SLC35F4: variants seen among roughly 807,000 people sequenced by gnomAD.
The protein encoded by SLC35F4 is solute carrier family 35 member F4.
A neutral mutation model predicts 44.2 loss-of-function variants in SLC35F4; 24 were observed. The ratio of observed to expected loss-of-function variants is 0.54; its 90% CI spans 0.39 to 0.76. The LOEUF (loss-of-function observed/expected upper bound fraction) is 0.76, where lower values mean the gene tolerates loss of function less well. Ranked by LOEUF, SLC35F4 falls within the 30% of genes least tolerant of loss-of-function variation. The pLI is 0.00. For missense variants in SLC35F4, 562 were observed against 586.1 expected (o/e 0.96, Z 0.42); for synonymous variants, 238 against 223.6 (o/e 1.06, Z -0.57).
At chr14:57,879,670 T>TTAAA (rs1888477598) in intron 1 of SLC35F4, among the ~76,000 whole-genome samples, 1 of 152,126 alleles carries the variant, frequency 6.6e-6, no homozygotes, top group African/African-American at 2.4e-5. Flanking sequence ...TTCAAGCACA[T>TTAAA]CCTCCATTAA....
chr14:57,585,148 C>T (rs1152535), intron 3 of SLC35F4, among the ~76,000 whole-genome samples: 42,646 of 151,942 alleles, frequency 0.28, 6,407 homozygotes, highest in East Asian at 0.64. Flanking sequence ...AATCAACTCA[C>T]GGTGAGAATT....
rs112756163 is a variant in SLC35F4 at position 57,865,709 on chromosome 14, G to A, written c.103+14C>T. On this transcript the variant is annotated intron_variant, in intron 1 of 7. Transcript: ENST00000556826. Reference sequence around the variant, plus strand: ...CTTCCCCGCCTCGCGCAGGGCAGCCGCGCGGCGTCTTACTTTTCTGGCTGG... The same window carrying A: ...CTTCCCCGCCTCGCGCAGGGCAGCCACGCGGCGTCTTACTTTTCTGGCTGG... 0.035 allele frequency: 53,543 copies of A among 1,513,340 alleles called. 1,178 individuals are homozygous for A. Among genetic ancestry groups the A allele is most frequent in the Non-Finnish European group, 0.043 (48,669 of 1,136,438 alleles). 93.7% of individuals were successfully genotyped at this position (1,513,340 alleles called of 1,614,324 possible).
intron 1 of SLC35F4, among the ~76,000 whole-genome samples, chr14:57,878,061 A>G (rs2783235): frequency 0.12 from 17,809 of 151,864 alleles, 1,445 homozygotes; most frequent in Non-Finnish European, 0.17. Flanking sequence ...GCATTTTTCT[A>G]ATGATTAGTG....
chr14:57,643,864 G>A lies in SLC35F4; in HGVS notation c.104-49740C>T, dbSNP rs532081836. On this transcript the variant is annotated intron_variant, in intron 1 of 7. Transcript: ENST00000556826. ...TTCCCACCTATGAGTGAGAATATGCGGTGTTTGGTTTTTTGTCCATGCGAT... is the reference window on the plus strand; with the variant it reads ...TTCCCACCTATGAGTGAGAATATGCAGTGTTTGGTTTTTTGTCCATGCGAT... Among the ~76,000 whole-genome samples, 133 of 152,024 alleles carry A rather than the reference G, an allele frequency of 8.7e-4. 1 individual carries two copies. The highest frequency in any genetic ancestry group is 8.5e-3 in the East Asian group (44 of 5,148).
intron 1 of SLC35F4, among the ~76,000 whole-genome samples, chr14:57,776,721 G>T (rs1421578303): frequency 1.4e-5 from 2 of 143,266 alleles, no homozygotes; most frequent in Non-Finnish European, 3.1e-5. Context: ...AGATTCCCTA[G>T]AAAGGGACAC....
chr14:57,575,327 A>G (rs184639002), intron 4 of SLC35F4, among the ~76,000 whole-genome samples: 1 of 152,268 alleles, frequency 6.6e-6, no homozygotes, highest in Admixed American at 6.5e-5. Context: ...TAAAAATATA[A>G]AAAGTAGCCG....
At chr14:57,620,565 G>A (rs567406700) in intron 1 of SLC35F4, among the ~76,000 whole-genome samples, 35 of 152,218 alleles carry the variant, frequency 2.3e-4, no homozygotes, top group African/African-American at 5.1e-4. Flanking sequence ...AGGAACAACC[G>A]GTACCAGCCA....
Position 57,633,892 on chromosome 14 carries a change from G to T in SLC35F4, c.104-39768C>A, listed in dbSNP as rs58221200. On this transcript the variant is annotated intron_variant, in intron 1 of 7. Coordinates refer to ENST00000556826, the MANE Select transcript of SLC35F4 (RefSeq NM_001306087.2). ...ATTGCGGAGTGGTATTCCATAGTAT[G>T]AATCTACCATGGACAGAATGCTAAC... is the stretch of plus-strand genomic sequence containing the variant. Among the ~76,000 whole-genome samples the T allele has an allele frequency of 1.2e-3, 184 of 152,162 alleles. 1 individual carries two copies. Among genetic ancestry groups the T allele is most frequent in the Middle Eastern group, 6.8e-3 (2 of 294 alleles).
intron 1 of SLC35F4, among the ~76,000 whole-genome samples, chr14:57,980,497 T>C (rs1310380304): frequency 6.6e-6 from 1 of 152,088 alleles, no homozygotes; most frequent in East Asian, 1.9e-4. Flanking sequence ...ATTATAAAGC[T>C]TGAACTCCAG....
At chr14:57,666,262 T>C (rs2074305068) in intron 1 of SLC35F4, among the ~76,000 whole-genome samples, 1 of 152,240 alleles carries the variant, frequency 6.6e-6, no homozygotes, top group Non-Finnish European at 1.5e-5. Flanking sequence ...AACTTGAATT[T>C]AGGTATTCCT....
intron 1 of SLC35F4, among the ~76,000 whole-genome samples, chr14:57,846,132 C>G (rs1406630926): frequency 6.6e-6 from 1 of 152,162 alleles, no homozygotes; most frequent in African/African-American, 2.4e-5. Flanking sequence ...CAAGAGATGT[C>G]TTAGACCAAG....
intron 1 of SLC35F4, among the ~76,000 whole-genome samples, chr14:57,634,468 T>C (rs1369823200): frequency 2.0e-5 from 3 of 152,044 alleles, no homozygotes; most frequent in Admixed American, 1.3e-4. Context: ...GGAGTGACGT[T>C]TGAACTGAAA....
At chr14:57,624,720 T>C (rs1285587793) in intron 1 of SLC35F4, among the ~76,000 whole-genome samples, 2 of 152,178 alleles carry the variant, frequency 1.3e-5, no homozygotes, top group Non-Finnish European at 2.9e-5. Context: ...ATTATCTCAA[T>C]AGATGCAGAA....
At chr14:57,678,098 A>C (rs994665205) in intron 1 of SLC35F4, among the ~76,000 whole-genome samples, 1 of 152,100 alleles carries the variant, frequency 6.6e-6, no homozygotes, top group Admixed American at 6.6e-5. Context: ...GAAATGAAGG[A>C]AAAAATGTTA....
chr14:57,668,863 G>A (rs1009569698), intron 1 of SLC35F4, among the ~76,000 whole-genome samples: 2 of 152,058 alleles, frequency 1.3e-5, no homozygotes, highest in Non-Finnish European at 2.9e-5. Flanking sequence ...CCAATTCTGT[G>A]AACAAAGTCA....
intron 1 of SLC35F4, among the ~76,000 whole-genome samples, chr14:57,888,228 T>C (rs553828722): frequency 6.6e-6 from 1 of 152,274 alleles, no homozygotes; most frequent in Non-Finnish European, 1.5e-5. Context: ...AAGCCACAGA[T>C]CTTAATTATT....
At chr14:57,667,018 G>A (rs781045886) in intron 1 of SLC35F4, among the ~76,000 whole-genome samples, 1 of 151,262 alleles carries the variant, frequency 6.6e-6, no homozygotes, top group Non-Finnish European at 1.5e-5. Flanking sequence ...AGGAAGCGTG[G>A]GCAAAGGCAT....
At chr14:57,807,444 C>CA (rs1204049389) in intron 1 of SLC35F4, among the ~76,000 whole-genome samples, 1 of 151,930 alleles carries the variant, frequency 6.6e-6, no homozygotes. Flanking sequence ...ATTTTTGGCC[C>CA]CATCTTTATG....
intron 1 of SLC35F4, among the ~76,000 whole-genome samples, chr14:57,977,408 G>A (rs557643318): frequency 1.1e-4 from 17 of 152,218 alleles, no homozygotes; most frequent in Admixed American, 3.3e-4. Flanking sequence ...AGAATCTAGG[G>A]TTCTGGAGCA....
Sources: gnomAD v4.1 joint callset for allele counts (sites outside exome capture counted in the v4.1 genomes callset) on GRCh38, gnomAD v4.1.1 for gene constraint, MANE v1.5 for transcripts, NCBI Gene and HGNC (gene_info 2026-07-23, HGNC 2026-07-21) for gene names.